KCNC2: variants seen among roughly 807,000 people sequenced by gnomAD.
The protein encoded by KCNC2 is potassium voltage-gated channel subfamily C member 2, also known as voltage-gated potassium channel KCNC2.
In KCNC2, 21 loss-of-function variants were observed where a neutral mutation model predicts 44.5. That is an observed-to-expected ratio of 0.47 (90% CI 0.33 to 0.68). The LOEUF is 0.68. Ranked by LOEUF, KCNC2 falls within the 30% of genes least tolerant of loss-of-function variation. The probability of loss-of-function intolerance (pLI) is 0.01; values close to 1 mark genes in which losing one functional copy is unlikely to be tolerated. For synonymous variants in KCNC2, 391 were observed against 339.1 expected, an observed-to-expected ratio of 1.15 and a Z score of -1.68; for missense variants, 589 against 826.2, an observed-to-expected ratio of 0.71 and a Z score of 3.52.
chr12:75,093,751 C>A (rs1885689689), intron 2 of KCNC2, among the ~76,000 whole-genome samples: 2 of 151,438 alleles, frequency 1.3e-5, no homozygotes, highest in African/African-American at 4.8e-5. Flanking sequence ...TCATGTTCAC[C>A]CACAGAAGAT....
rs936885705 is a variant in KCNC2, at chr12:75,133,936, G to A, written c.687+73361C>T. ...AGATACACGAAAAAAAGATGAAGAA[G>A]GAAAAGGAAGAAAAAAGTGGCAACT... On this transcript the variant is annotated intron_variant, in intron 2 of 4. Coordinates refer to ENST00000549446, the MANE Select transcript of KCNC2 (RefSeq NM_139137.4). 4.6e-5 allele frequency among the ~76,000 whole-genome samples: 7 copies of A among 151,904 alleles called. No homozygotes were observed. The East Asian group carries it at 1.4e-3, about 29-fold the overall frequency.
chr12:75,091,112 A>G (rs1036256769), intron 2 of KCNC2, among the ~76,000 whole-genome samples: 1 of 151,692 alleles, frequency 6.6e-6, no homozygotes, highest in Non-Finnish European at 1.5e-5. Flanking sequence ...TGATGCAAAG[A>G]TCACATTTGT....
At position 75,192,973 on chromosome 12, in the gene KCNC2, A is replaced by T. The variant is rs1017927175; in HGVS notation, c.687+14324T>A. ...ATTTATTCATTAGCCAGATTTAGTT[A>T]TTTTACATTGTAAATATATATCAAA... is the stretch of plus-strand genomic sequence containing the variant. On this transcript the variant is annotated intron_variant, in intron 2 of 4. Transcript: ENST00000549446. Among the ~76,000 whole-genome samples the T allele has an allele frequency of 7.9e-5, 12 of 152,312 alleles. No homozygotes were observed. The South Asian group carries it at 2.1e-3, about 26-fold the overall frequency.
chr12:75,074,872 G>A (rs548040531), intron 2 of KCNC2, among the ~76,000 whole-genome samples: 1 of 152,254 alleles, frequency 6.6e-6, no homozygotes, highest in Non-Finnish European at 1.5e-5. Context: ...GAAACACAAT[G>A]TGCCTATGAA....
chr12:75,190,278 T>C (rs1413816631), intron 2 of KCNC2, among the ~76,000 whole-genome samples: 1 of 152,220 alleles, frequency 6.6e-6, no homozygotes, highest in East Asian at 1.9e-4. Context: ...ATGCCTATCT[T>C]CTTTCAGTTC....
intron 2 of KCNC2, among the ~76,000 whole-genome samples, chr12:75,176,698 C>A (rs1892207913): frequency 6.6e-6 from 1 of 151,810 alleles, no homozygotes. Flanking sequence ...AGCTTAAGAA[C>A]ATATAGAATA....
intron 2 of KCNC2, among the ~76,000 whole-genome samples, chr12:75,163,162 G>A (rs1891230002): frequency 1.3e-5 from 2 of 151,764 alleles, no homozygotes; most frequent in African/African-American, 2.4e-5. Flanking sequence ...AGGGAGATTG[G>A]GAGGAGAGAT....
intron 2 of KCNC2, among the ~76,000 whole-genome samples, chr12:75,202,555 A>C (rs1041849450): frequency 4.0e-5 from 6 of 151,800 alleles, no homozygotes; most frequent in Admixed American, 2.0e-4. Context: ...CATGACTTTT[A>C]ATTAAATAGA....
At chr12:75,149,722 C>T (rs573494338) in intron 2 of KCNC2, among the ~76,000 whole-genome samples, 7 of 150,248 alleles carry the variant, frequency 4.7e-5, no homozygotes, top group South Asian at 2.1e-4. Context: ...TCTTAATTAC[C>T]TGCTTTGAAA....
At chr12:75,160,447 T>C (rs1412884816) in intron 2 of KCNC2, among the ~76,000 whole-genome samples, 1 of 151,854 alleles carries the variant, frequency 6.6e-6, no homozygotes, top group Non-Finnish European at 1.5e-5. Context: ...CAGGCAATGA[T>C]GTCAATACTT....
At chr12:75,193,780 G>A (rs528041873) in intron 2 of KCNC2, among the ~76,000 whole-genome samples, 2 of 152,150 alleles carry the variant, frequency 1.3e-5, no homozygotes, top group African/African-American at 2.4e-5. Context: ...CCACCCTGAA[G>A]GGAATCCTGT....
At chr12:75,053,470 C>A (rs947205218) in intron 2 of KCNC2, among the ~76,000 whole-genome samples, 1 of 151,924 alleles carries the variant, frequency 6.6e-6, no homozygotes. Context: ...TGTGAACAGC[C>A]TACAAATATA....
Position 75,041,055 on chromosome 12 carries a change from C to T in KCNC2, c.*2050G>A. ...GTTCTTTTATAAGCTTTAAGTGCCT[C>T]ATGAAGACGCGAGGATCTCTTCCAA... On this transcript the variant is annotated 3_prime_UTR_variant, in exon 5 of 5. Coordinates refer to ENST00000549446, the MANE Select transcript of KCNC2 (RefSeq NM_139137.4). The T allele has an allele frequency of 6.7e-7, 1 of 1,488,804 alleles. No individual in the cohort carries two copies. Among genetic ancestry groups the T allele is most frequent in the Non-Finnish European group, 9.2e-7 (1 of 1,081,328 alleles). 92.2% of individuals were successfully genotyped at this position (1,488,804 alleles called of 1,614,324 possible).
At chr12:75,108,427 C>G (rs1886961140) in intron 2 of KCNC2, among the ~76,000 whole-genome samples, 1 of 152,148 alleles carries the variant, frequency 6.6e-6, no homozygotes, top group African/African-American at 2.4e-5. Context: ...TAGCAACTTA[C>G]CTTGCATTGC....
chr12:75,209,091 TCATCTCTA>T (rs1166628443), intron 1 of KCNC2, 108 bp downstream of exon 1: 3 of 152,532 alleles, frequency 2.0e-5, no homozygotes, highest in Non-Finnish European at 4.4e-5. Context: ...CCCCAGGGCT[TCATCTCTA>T]CATTCCTATT....
chr12:75,081,208 C>T (rs1884471969), intron 2 of KCNC2, among the ~76,000 whole-genome samples: 1 of 152,006 alleles, frequency 6.6e-6, no homozygotes. Context: ...CAAACTGAAC[C>T]AAATCCCATT....
rs192926304 is a variant in KCNC2, at chr12:75,142,810, T to A, written c.687+64487A>T. On this transcript the variant is annotated intron_variant, in intron 2 of 4. Coordinates refer to ENST00000549446, the MANE Select transcript of KCNC2 (RefSeq NM_139137.4). ...CAATATACATTAAAGCTAGGTTGTCTTTTATGACCTAACCTGAGAAGTCAC... is the reference window on the plus strand; with the variant it reads ...CAATATACATTAAAGCTAGGTTGTCATTTATGACCTAACCTGAGAAGTCAC... Among the ~76,000 whole-genome samples, 3 of 152,266 alleles carry A rather than the reference T, an allele frequency of 2.0e-5. No homozygotes were observed. The East Asian group carries it at 5.8e-4, about 29-fold the overall frequency.
intron 2 of KCNC2, among the ~76,000 whole-genome samples, chr12:75,081,437 C>A (rs1884502185): frequency 6.9e-6 from 1 of 144,960 alleles, no homozygotes; most frequent in East Asian, 2.0e-4. Context: ...CCTTTGATGC[C>A]CTTGTGGCTG....
intron 2 of KCNC2, among the ~76,000 whole-genome samples, chr12:75,130,020 C>A (rs746740419): frequency 6.6e-6 from 1 of 152,088 alleles, no homozygotes; most frequent in Admixed American, 6.5e-5. Flanking sequence ...CAAAATAGTT[C>A]TTTTTCTGTT....
Sources: gnomAD v4.1 joint callset for allele counts (sites outside exome capture counted in the v4.1 genomes callset) on GRCh38, gnomAD v4.1.1 for gene constraint, MANE v1.5 for transcripts, NCBI Gene and HGNC (gene_info 2026-07-23, HGNC 2026-07-21) for gene names.